Variants in KAZN observed in about 807,000 individuals in gnomAD.
KAZN encodes the protein kazrin.
KAZN carries 40 observed loss-of-function variants against 87.4 expected under a neutral mutation model. The ratio of observed to expected loss-of-function variants is 0.46; its 90% confidence interval spans 0.36 to 0.60. The LOEUF is 0.60. Among genes scored for constraint, KAZN ranks in the 20% least tolerant of loss-of-function variants. The pLI is 0.00. For missense variants in KAZN, 898 were observed against 1,073.9 expected (o/e 0.84, Z 2.29); for synonymous variants, 466 against 458.3 (o/e 1.02, Z -0.22).
intron 2 of KAZN, among the ~76,000 whole-genome samples, chr1:14,415,800 G>T (rs115783374): frequency 8.0e-4 from 121 of 152,034 alleles, no homozygotes; most frequent in Non-Finnish European, 8.2e-4. Flanking sequence ...TATTAGCCCC[G>T]CTTCCCCCAA....
In KAZN at chr1:14,057,043, C is replaced by CAA. The variant is rs527243643; in HGVS notation, c.92-123374_92-123373dup. On this transcript the variant is annotated intron_variant, in intron 1 of 16. Transcript: ENST00000636203. ...TGAGTGAAAGAGCGAGACCCTGTCT[C>CAA]AAAAAAAAAAAAAAAAAAATCACTT... Among the ~76,000 whole-genome samples the CAA allele has an allele frequency of 9.4e-3, 862 of 91,660 alleles. 16 individuals carry two copies. Among genetic ancestry groups the CAA allele is most frequent in the African/African-American group, 0.028 (826 of 29,452 alleles). The allele number at this position is 91,660 out of a possible 152,430, so 60.1% of individuals were successfully genotyped here.
intron 1 of KAZN, among the ~76,000 whole-genome samples, chr1:13,918,388 G>A (rs945730974): frequency 6.6e-6 from 1 of 152,230 alleles, no homozygotes; most frequent in Non-Finnish European, 1.5e-5. Context: ...AGGATTAAAA[G>A]TGGAGTCAGA....
intron 1 of KAZN, among the ~76,000 whole-genome samples, chr1:14,807,457 A>G (rs1307137071): frequency 1.3e-5 from 2 of 152,160 alleles, no homozygotes; most frequent in African/African-American, 4.8e-5. Context: ...AGGCCAAAAT[A>G]TATTTATTAC....
At chr1:14,512,500 A>G (rs1409542806) in intron 2 of KAZN, among the ~76,000 whole-genome samples, 3 of 118,930 alleles carry the variant, frequency 2.5e-5, no homozygotes, top group Admixed American at 1.0e-4. Context: ...ACCCTAGTTG[A>G]GAACCACTGA....
chr1:14,966,623 G>A (rs945166384), intron 2 of KAZN, among the ~76,000 whole-genome samples: 3 of 152,138 alleles, frequency 2.0e-5, no homozygotes, highest in Non-Finnish European at 2.9e-5. Flanking sequence ...ACTCTGCTAC[G>A]TTAAAATCCA....
chr1:14,071,058 C>T (rs1643229289), intron 1 of KAZN, among the ~76,000 whole-genome samples: 1 of 152,028 alleles, frequency 6.6e-6, no homozygotes, highest in Non-Finnish European at 1.5e-5. Context: ...AGGCATAAAC[C>T]CCACCCATGG....
chr1:14,368,674 G>A (rs1205823400), intron 2 of KAZN, among the ~76,000 whole-genome samples: 4 of 152,270 alleles, frequency 2.6e-5, no homozygotes, highest in Non-Finnish European at 4.4e-5. Context: ...CAGGCTGTTG[G>A]CTCCTTGGAG....
intron 4 of KAZN, among the ~76,000 whole-genome samples, chr1:15,055,876 G>A (rs758643177): frequency 1.3e-5 from 2 of 152,178 alleles, no homozygotes; most frequent in Non-Finnish European, 2.9e-5. Flanking sequence ...CCGTGCCTTC[G>A]CGCCTCCAGC....
intron 1 of KAZN, among the ~76,000 whole-genome samples, chr1:14,131,930 C>A (rs902318745): frequency 2.0e-5 from 3 of 152,110 alleles, no homozygotes; most frequent in African/African-American, 4.8e-5. Flanking sequence ...TGTTCTCTCA[C>A]TGGCCCAAAC....
intron 1 of KAZN, among the ~76,000 whole-genome samples, chr1:14,009,990 G>A (rs1242552251): frequency 6.6e-6 from 1 of 152,168 alleles, no homozygotes; most frequent in Non-Finnish European, 1.5e-5. Flanking sequence ...ACTTTTGGCA[G>A]AAGATGTTGC....
At chr1:13,939,991 G>A (rs1033472609) in intron 1 of KAZN, among the ~76,000 whole-genome samples, 6 of 152,022 alleles carry the variant, frequency 3.9e-5, no homozygotes, top group South Asian at 2.1e-4. Flanking sequence ...TGATCTAATC[G>A]CCTCCCACCA....
chr1:14,568,440 C>T (rs904300741), intron 2 of KAZN, among the ~76,000 whole-genome samples: 8 of 152,192 alleles, frequency 5.3e-5, no homozygotes, highest in Non-Finnish European at 7.4e-5. Context: ...TCCACATGGC[C>T]GGAGAGGCTT....
intron 2 of KAZN, among the ~76,000 whole-genome samples, chr1:14,442,865 G>A (rs1318462431): frequency 6.6e-6 from 1 of 152,212 alleles, no homozygotes; most frequent in Non-Finnish European, 1.5e-5. Flanking sequence ...TAGCCCTACA[G>A]CACCAGCCAA....
chr1:14,297,154 G>C (rs1161279837), intron 2 of KAZN, among the ~76,000 whole-genome samples: 2 of 152,144 alleles, frequency 1.3e-5, no homozygotes, highest in Non-Finnish European at 2.9e-5. Context: ...CAAGAAGCCA[G>C]AGGTGGGCAG....
chr1:14,239,870 C>T (rs1648786637), intron 2 of KAZN, among the ~76,000 whole-genome samples: 1 of 152,028 alleles, frequency 6.6e-6, no homozygotes, highest in Admixed American at 6.6e-5. Context: ...GATGGTGCTG[C>T]TGGCATTTAA....
chr1:14,930,504 G>C (rs1443089535), intron 1 of KAZN, among the ~76,000 whole-genome samples: 2 of 152,170 alleles, frequency 1.3e-5, no homozygotes, highest in Admixed American at 1.3e-4. Context: ...GCTCAGTCGG[G>C]TCCCATTAGT....
At chr1:14,775,903 C>A (rs1645162204) in intron 1 of KAZN, among the ~76,000 whole-genome samples, 1 of 152,258 alleles carries the variant, frequency 6.6e-6, no homozygotes, top group South Asian at 2.1e-4. Context: ...CCCTTTCCTA[C>A]AGCGGTCGAC....
chr1:14,173,739 T>C (rs1042927873), intron 1 of KAZN, among the ~76,000 whole-genome samples: 3 of 151,544 alleles, frequency 2.0e-5, no homozygotes, highest in Admixed American at 2.0e-4. Flanking sequence ...TAAACCTGTT[T>C]GGCTGCATTT....
chr1:14,641,531 G>A (rs1680408518), intron 1 of KAZN, among the ~76,000 whole-genome samples: 2 of 152,090 alleles, frequency 1.3e-5, no homozygotes, highest in African/African-American at 2.4e-5. Context: ...CCTGCGGTGT[G>A]GCCTGCATCT....
Sources: gnomAD v4.1 joint callset for allele counts (sites outside exome capture counted in the v4.1 genomes callset) on GRCh38, gnomAD v4.1.1 for gene constraint, MANE v1.5 for transcripts, NCBI Gene and HGNC (gene_info 2026-07-23, HGNC 2026-07-21) for gene names.